Variants in NRG3 observed in about 807,000 individuals in gnomAD.
NRG3 encodes the protein pro-neuregulin-3, membrane-bound isoform.
NRG3 carries 31 observed loss-of-function variants against 66.9 expected under a neutral mutation model. That is an observed-to-expected ratio of 0.46 (90% CI 0.35 to 0.63). NRG3 has a LOEUF of 0.63. Among genes scored for constraint, NRG3 ranks in the 20% least tolerant of loss-of-function variants. NRG3 has a pLI of 0.00. For synonymous variants in NRG3, 393 were observed against 359.4 expected (o/e 1.09, Z -1.06); for missense variants, 910 against 878.9 (o/e 1.04, Z -0.45).
chr10:82,376,922 G>A (rs977259566), intron 2 of NRG3, among the ~76,000 whole-genome samples: 12 of 152,048 alleles, frequency 7.9e-5, no homozygotes, highest in African/African-American at 2.7e-4. Context: ...ATCTTCTACT[G>A]CTTCTTTGGA....
chr10:81,877,642 C>A, intron 1 of NRG3: 2 of 1,188,480 alleles, frequency 1.7e-6, no homozygotes, highest in East Asian at 4.5e-5. Flanking sequence ...AAAAAGCAAA[C>A]CTACTTTGCT....
At chr10:82,802,844 T>C (rs918903536) in intron 3 of NRG3, among the ~76,000 whole-genome samples, 1 of 151,990 alleles carries the variant, frequency 6.6e-6, no homozygotes, top group African/African-American at 2.4e-5. Context: ...TTATTTTTGT[T>C]TTGTTTTTAT....
At chr10:82,502,388 G>T (rs184044290) in intron 2 of NRG3, among the ~76,000 whole-genome samples, 1 of 152,246 alleles carries the variant, frequency 6.6e-6, no homozygotes, top group Non-Finnish European at 1.5e-5. Flanking sequence ...TTTTCTTGGT[G>T]TTTGTGTTTT....
chr10:82,295,459 A>G (rs2080008357), intron 1 of NRG3, among the ~76,000 whole-genome samples: 1 of 152,154 alleles, frequency 6.6e-6, no homozygotes, highest in African/African-American at 2.4e-5. Context: ...TACATTTTTA[A>G]TAGATGAGCC....
intron 2 of NRG3, among the ~76,000 whole-genome samples, chr10:82,658,055 A>G (rs1179992497): frequency 1.3e-5 from 2 of 152,174 alleles, no homozygotes; most frequent in Non-Finnish European, 1.5e-5. Context: ...TCTAAGGTCA[A>G]GCATTACCTT....
chr10:82,098,977 G>T (rs1175782095), intron 1 of NRG3, among the ~76,000 whole-genome samples: 2 of 152,126 alleles, frequency 1.3e-5, no homozygotes, highest in Non-Finnish European at 2.9e-5. Flanking sequence ...GTGTTAGCCA[G>T]GATGGTCTCG....
At chr10:82,031,395 A>G (rs1287958962) in intron 1 of NRG3, among the ~76,000 whole-genome samples, 2 of 152,114 alleles carry the variant, frequency 1.3e-5, no homozygotes, top group Non-Finnish European at 2.9e-5. Context: ...CTTTAATTAT[A>G]ATATTCTAAC....
intron 1 of NRG3, among the ~76,000 whole-genome samples, chr10:82,019,853 GGTCT>G (rs1345651556): frequency 6.6e-6 from 1 of 151,672 alleles, no homozygotes; most frequent in African/African-American, 2.4e-5. Flanking sequence ...TCTTGCTAGC[GGTCT>G]ATCAATTTTG....
chr10:81,953,476 C>A (rs1272109068), intron 1 of NRG3, among the ~76,000 whole-genome samples: 1 of 152,182 alleles, frequency 6.6e-6, no homozygotes, highest in African/African-American at 2.4e-5. Context: ...AGACCTCAGT[C>A]TGTACCTTCC....
intron 1 of NRG3, among the ~76,000 whole-genome samples, chr10:82,041,149 C>T (rs1052673454): frequency 6.6e-6 from 1 of 152,046 alleles, no homozygotes; most frequent in African/African-American, 2.4e-5. Flanking sequence ...AAATAGTCTC[C>T]TTCCTAAGTT....
intron 4 of NRG3, among the ~76,000 whole-genome samples, chr10:82,919,034 A>G (rs897549463): frequency 2.0e-5 from 3 of 151,140 alleles, no homozygotes; most frequent in Middle Eastern, 6.8e-3. Context: ...TAAGCCTTTT[A>G]TCTGGTAGGT....
At chr10:82,645,959 G>A (rs1001137587) in intron 2 of NRG3, among the ~76,000 whole-genome samples, 1 of 152,096 alleles carries the variant, frequency 6.6e-6, no homozygotes, top group East Asian at 1.9e-4. Context: ...TTCAGTAGCA[G>A]CTATACAATT....
At chr10:81,903,380 G>A (rs1274661237) in intron 1 of NRG3, among the ~76,000 whole-genome samples, 2 of 152,042 alleles carry the variant, frequency 1.3e-5, no homozygotes, top group African/African-American at 4.8e-5. Flanking sequence ...TCATGTATGA[G>A]GTTTTTCTCT....
intron 1 of NRG3, among the ~76,000 whole-genome samples, chr10:81,912,548 T>C (rs1215100235): frequency 6.6e-6 from 1 of 152,212 alleles, no homozygotes; most frequent in East Asian, 1.9e-4. Flanking sequence ...TTGTATCGAT[T>C]ATTCTAAAAC....
At chr10:82,702,096 C>T (rs1310211142) in intron 2 of NRG3, among the ~76,000 whole-genome samples, 1 of 152,120 alleles carries the variant, frequency 6.6e-6, no homozygotes, top group African/African-American at 2.4e-5. Flanking sequence ...CAACCCACAG[C>T]ACAGAAAACA....
intron 2 of NRG3, among the ~76,000 whole-genome samples, chr10:82,618,949 T>A (rs1307629182): frequency 2.0e-5 from 3 of 151,934 alleles, no homozygotes; most frequent in Admixed American, 6.6e-5. Flanking sequence ...TTTATTTAAT[T>A]TTATTTTGCT....
chr10:81,995,610 G>A (rs185618802), intron 1 of NRG3, among the ~76,000 whole-genome samples: 13 of 152,286 alleles, frequency 8.5e-5, no homozygotes, highest in African/African-American at 3.1e-4. Context: ...ACTTGTGTTG[G>A]CTGTTCCTGG....
intron 1 of NRG3, among the ~76,000 whole-genome samples, chr10:82,341,930 G>A (rs2082708630): frequency 6.6e-6 from 1 of 151,752 alleles, no homozygotes; most frequent in South Asian, 2.1e-4. Flanking sequence ...CTGTTCTATT[G>A]ATCTGTATCT....
At chr10:82,365,654 A>C (rs1412226648) in intron 2 of NRG3, among the ~76,000 whole-genome samples, 1 of 152,212 alleles carries the variant, frequency 6.6e-6, no homozygotes, top group African/African-American at 2.4e-5. Flanking sequence ...TCTTTGTATT[A>C]AAATTAGTTG....
Sources: allele counts gnomAD v4.1 joint callset (sites outside exome capture counted in the v4.1 genomes callset), GRCh38; gene constraint gnomAD v4.1.1; transcripts MANE v1.5; gene names NCBI Gene and HGNC (gene_info 2026-07-23, HGNC 2026-07-21).